EPB41L4A: variants seen among roughly 807,000 people sequenced by gnomAD.
EPB41L4A encodes the protein erythrocyte membrane protein band 4.1 like 4A, also known as band 4.1-like protein 4A.
EPB41L4A carries 100 observed loss-of-function variants against 108.6 expected under a neutral mutation model. That is an observed-to-expected ratio of 0.92 (90% CI 0.78 to 1.09). EPB41L4A has a LOEUF of 1.09. Among genes scored for constraint, EPB41L4A ranks in the 50% least tolerant of loss-of-function variants. The probability of loss-of-function intolerance (pLI) is 0.00; values close to 1 mark genes in which losing one functional copy is unlikely to be tolerated. For missense variants in EPB41L4A, 1,030 were observed against 842.7 expected, an observed-to-expected ratio of 1.22 and a Z score of -2.75; for synonymous variants, 319 against 289.0, an observed-to-expected ratio of 1.10 and a Z score of -1.05.
chr5:112,392,103 C>A (rs1365374833), intron 1 of EPB41L4A, among the ~76,000 whole-genome samples: 1 of 152,116 alleles, frequency 6.6e-6, no homozygotes, highest in African/African-American at 2.4e-5. Context: ...ACAACTGGTA[C>A]CAGCCACTGC....
intron 1 of EPB41L4A, among the ~76,000 whole-genome samples, chr5:112,397,938 G>T (rs73214261): frequency 0.088 from 13,401 of 152,206 alleles, 1,931 homozygotes; most frequent in African/African-American, 0.3. Flanking sequence ...TAGAAAACAT[G>T]TGGCCCCACA....
chr5:112,210,466 C>T (rs1365376300), intron 12 of EPB41L4A, among the ~76,000 whole-genome samples: 1 of 152,108 alleles, frequency 6.6e-6, no homozygotes, highest in Admixed American at 6.5e-5. Flanking sequence ...GAGTAATATA[C>T]ATGTGATCTG....
chr5:112,403,482 CCTTT>C (rs1011737899), intron 1 of EPB41L4A, among the ~76,000 whole-genome samples: 17 of 151,988 alleles, frequency 1.1e-4, no homozygotes, highest in African/African-American at 4.1e-4. Context: ...TCTAAGCTTG[CCTTT>C]CTTTCTTTAG....
intron 1 of EPB41L4A, among the ~76,000 whole-genome samples, chr5:112,405,320 C>CT (rs1486744232): frequency 6.6e-6 from 1 of 152,198 alleles, no homozygotes; most frequent in Non-Finnish European, 1.5e-5. Context: ...TCAGCCACAA[C>CT]TTGAGTGCAA....
chr5:112,266,936 C>T (rs951845253), intron 4 of EPB41L4A, among the ~76,000 whole-genome samples: 1 of 152,100 alleles, frequency 6.6e-6, no homozygotes, highest in African/African-American at 2.4e-5. Flanking sequence ...AAAATGAAGA[C>T]AGTATATTAT....
intron 18 of EPB41L4A, among the ~76,000 whole-genome samples, chr5:112,181,938 T>C (rs1052235582): frequency 6.6e-6 from 1 of 152,024 alleles, no homozygotes; most frequent in Non-Finnish European, 1.5e-5. Context: ...TTGGGTGTTA[T>C]GGCAGGTGCC....
intron 1 of EPB41L4A, among the ~76,000 whole-genome samples, chr5:112,413,717 T>C (rs1762541473): frequency 6.6e-6 from 1 of 152,194 alleles, no homozygotes. Context: ...TTCCGATAAG[T>C]ATGTGTTTAT....
intron 12 of EPB41L4A, among the ~76,000 whole-genome samples, chr5:112,149,388 C>T (rs1364904748): frequency 1.1e-4 from 16 of 152,116 alleles, no homozygotes; most frequent in African/African-American, 3.6e-4. Context: ...AGGAGAATCG[C>T]GTGAACCTGG....
chr5:112,190,783 T>C (rs1292217052), intron 17 of EPB41L4A, among the ~76,000 whole-genome samples: 1 of 152,126 alleles, frequency 6.6e-6, no homozygotes, highest in Admixed American at 6.5e-5. Context: ...CAAGGTCAAG[T>C]ATCAGCACAC....
intron 1 of EPB41L4A, among the ~76,000 whole-genome samples, chr5:112,333,418 G>A (rs1009302793): frequency 2.6e-5 from 4 of 152,198 alleles, no homozygotes; most frequent in African/African-American, 9.7e-5. Flanking sequence ...GCCAGTCTCC[G>A]ATGGAAGGAT....
chr5:112,414,442 G>C (rs971670674), intron 1 of EPB41L4A, among the ~76,000 whole-genome samples: 104 of 152,116 alleles, frequency 6.8e-4, no homozygotes, highest in African/African-American at 2.5e-3. Context: ...GGAGATTTTT[G>C]GTTGTCATTA....
intron 12 of EPB41L4A, among the ~76,000 whole-genome samples, chr5:112,146,436 A>G (rs950523586): frequency 6.6e-6 from 1 of 152,236 alleles, no homozygotes; most frequent in Admixed American, 6.5e-5. Context: ...TGTGTCCCAC[A>G]GGAGCAGAGG....
intron 18 of EPB41L4A, among the ~76,000 whole-genome samples, chr5:112,172,328 T>G (rs1018405310): frequency 3.9e-5 from 6 of 152,228 alleles, no homozygotes; most frequent in Admixed American, 3.3e-4. Flanking sequence ...CTGGCCAACA[T>G]GGCAAAACCC....
chr5:112,413,157 T>C (rs947010628), intron 1 of EPB41L4A, among the ~76,000 whole-genome samples: 3 of 152,180 alleles, frequency 2.0e-5, no homozygotes, highest in African/African-American at 7.2e-5. Context: ...TCGGAAAGAC[T>C]CAGGTTGGAA....
chr5:112,335,180 G>C (rs1425967832), intron 1 of EPB41L4A, among the ~76,000 whole-genome samples: 2 of 152,146 alleles, frequency 1.3e-5, no homozygotes, highest in East Asian at 3.9e-4. Context: ...CAGGAGGGCA[G>C]GGGAGAGATT....
chr5:112,180,869 C>A (rs1253552793), intron 18 of EPB41L4A, among the ~76,000 whole-genome samples: 4 of 151,938 alleles, frequency 2.6e-5, no homozygotes, highest in Non-Finnish European at 5.9e-5. Context: ...AGAAAAAGGA[C>A]AAACAATCCA....
At position 112,246,118 on chromosome 5, in the gene EPB41L4A, C is replaced by T. The variant is rs116093651; in HGVS notation, c.796-5308G>A. 1.4e-3 allele frequency among the ~76,000 whole-genome samples: 210 copies of T among 152,238 alleles called. 1 individual carries two copies. Among genetic ancestry groups the T allele is most frequent in the Non-Finnish European group, 2.3e-3 (158 of 68,008 alleles). ...ACACAGAAAATCACAGAAGCTCCTC[C>T]GGGCAGGGAGGGAAAGCCCAGGCTT... is the stretch of plus-strand genomic sequence containing the variant. On this transcript the variant is annotated intron_variant, in intron 9 of 22. Coordinates refer to ENST00000261486, the MANE Select transcript of EPB41L4A (RefSeq NM_022140.5).
At chr5:112,202,754 T>C (rs1762279343) in intron 15 of EPB41L4A, among the ~76,000 whole-genome samples, 1 of 152,030 alleles carries the variant, frequency 6.6e-6, no homozygotes, top group Admixed American at 6.6e-5. Context: ...TCTGGGAAAC[T>C]AGCAGAAGCA....
intron 1 of EPB41L4A, among the ~76,000 whole-genome samples, chr5:112,399,273 C>G (rs1404750687): frequency 1.3e-5 from 2 of 152,134 alleles, no homozygotes; most frequent in African/African-American, 4.8e-5. Flanking sequence ...CTGTCACCCC[C>G]ATTCAGCCCA....
Sources: allele counts gnomAD v4.1 joint callset (sites outside exome capture counted in the v4.1 genomes callset), GRCh38; gene constraint gnomAD v4.1.1; transcripts MANE v1.5; gene names NCBI Gene and HGNC (gene_info 2026-07-23, HGNC 2026-07-21).